The following DNAH14 variants were observed in gnomAD, a reference collection of about 807,000 sequenced individuals.
The protein encoded by DNAH14 is dynein axonemal heavy chain 14, also known as axonemal beta dynein heavy chain 14.
In DNAH14, 478 loss-of-function variants were observed where a neutral mutation model predicts 520.9. That is an observed-to-expected ratio of 0.92 (90% CI 0.85 to 0.99). The LOEUF is 0.99. Among genes scored for constraint, DNAH14 ranks in the 50% least tolerant of loss-of-function variants. The pLI is 0.00. For missense variants in DNAH14, 4,831 were observed against 5,234.5 expected (o/e 0.92, Z 2.38); for synonymous variants, 1,581 against 1,757.2 (o/e 0.90, Z 2.51).
In DNAH14 at chr1:225,334,884, A is replaced by ATGTGTGTGTGTG. The variant is rs1218533136; in HGVS notation, c.10080+1392_10080+1403dup. Among the ~76,000 whole-genome samples the ATGTGTGTGTGTG allele has an allele frequency of 2.8e-5, 4 of 143,238 alleles. No homozygotes were observed. In the East Asian group the frequency reaches 8.4e-4, roughly 30 times the overall value. 94.0% of individuals were successfully genotyped at this position (143,238 alleles called of 152,430 possible). A position where few individuals can be genotyped will look rare whatever the true frequency, so the allele number is the denominator to read the frequency against. On this transcript the variant is annotated intron_variant, in intron 66 of 85. Transcript: ENST00000682510. ...TCTCTGTCTCTCTCTCTACATATAT[A>ATGTGTGTGTGTG]TGTGTGTGTGTGTGTGTGTGTGTGT... is the stretch of plus-strand genomic sequence containing the variant.
At chr1:225,033,284 T>C (rs974029646) in intron 11 of DNAH14, among the ~76,000 whole-genome samples, 2 of 152,200 alleles carry the variant, frequency 1.3e-5, no homozygotes, top group African/African-American at 4.8e-5. Context: ...CCAGCTTCAA[T>C]CTTCTGCATA....
rs139079665 is a variant in DNAH14 at position 225,232,280 on chromosome 1, T to TAC, written c.6518+1148_6518+1149dup. ...ATATATAAACTGTGATATATATATA[T>TAC]ACACACACACACACACACACGTGTA... On this transcript the variant is annotated intron_variant, in intron 42 of 85. Transcript: ENST00000682510. The surrounding 1 kb of genome is among the most constrained non-coding windows in gnomAD (Gnocchi z 4.2). 0.052 allele frequency among the ~76,000 whole-genome samples: 7,724 copies of TAC among 149,548 alleles called. 482 individuals are homozygous for TAC. Among genetic ancestry groups the TAC allele is most frequent in the African/African-American group, 0.16 (6,428 of 40,756 alleles).
chr1:225,063,722 G>A (rs1260270510), intron 17 of DNAH14, among the ~76,000 whole-genome samples: 1 of 151,980 alleles, frequency 6.6e-6, no homozygotes, highest in East Asian at 1.9e-4. Flanking sequence ...AGAGACAAAA[G>A]TTATCTGAAA....
At chr1:225,192,252 G>T (rs1026383295) in intron 37 of DNAH14, among the ~76,000 whole-genome samples, 2 of 152,028 alleles carry the variant, frequency 1.3e-5, no homozygotes, top group Admixed American at 1.3e-4. Context: ...CAATTTTTCT[G>T]CCTGACATCT....
At chr1:225,357,798 T>C (rs1417671284) in intron 73 of DNAH14, 1 of 702,114 alleles carries the variant, frequency 1.4e-6, no homozygotes, top group Admixed American at 2.0e-5. Context: ...TCAGTTTTGC[T>C]TTAAATGATG....
At chr1:225,288,829 G>A (rs879654463) in intron 54 of DNAH14, among the ~76,000 whole-genome samples, 1 of 152,124 alleles carries the variant, frequency 6.6e-6, no homozygotes, top group Non-Finnish European at 1.5e-5. Context: ...TGACAAGATT[G>A]TGTATAAACT....
chr1:225,134,496 T>C (rs2078779202), intron 27 of DNAH14, among the ~76,000 whole-genome samples: 1 of 152,178 alleles, frequency 6.6e-6, no homozygotes, highest in Admixed American at 6.5e-5. Context: ...GGTTTTTGTC[T>C]TTAGTTCTCT....
At chr1:225,367,629 T>C (rs2095570019) in intron 76 of DNAH14, among the ~76,000 whole-genome samples, 176 bp from the exon 77 acceptor site, 1 of 152,214 alleles carries the variant, frequency 6.6e-6, no homozygotes, top group Non-Finnish European at 1.5e-5. Context: ...ACAATCCTTT[T>C]AGAGACGTTT....
intron 60 of DNAH14, among the ~76,000 whole-genome samples, chr1:225,310,111 T>C (rs2094331526): frequency 6.6e-6 from 1 of 151,746 alleles, no homozygotes. Context: ...GTATTTAATA[T>C]TTTAAGCCAA....
At chr1:225,022,320 C>T (rs2065772191) in intron 10 of DNAH14, among the ~76,000 whole-genome samples, 2 of 152,104 alleles carry the variant, frequency 1.3e-5, no homozygotes. Context: ...AGACAACTTA[C>T]AGAATGAGAG....
intron 55 of DNAH14, among the ~76,000 whole-genome samples, chr1:225,296,876 A>G (rs1159513069): frequency 6.6e-6 from 1 of 152,112 alleles, no homozygotes; most frequent in Non-Finnish European, 1.5e-5. Context: ...TCCCATTTAT[A>G]TGATGACATT....
rs1419315754 is a variant in DNAH14, at chr1:225,389,799, C to G, written c.13256C>G (p.Pro4419Arg). The change falls in exon 83 of 86, where the codon CCT becomes CGT. Residue 4419 changes from proline to arginine, a missense_variant. Coordinates refer to ENST00000682510, the MANE Select transcript of DNAH14 (RefSeq NM_001367479.1). ...TCAACTAGCCAAAAATGCAAACACC[C>G]TGAGGATTCAGAGAACAATTTCTTT... ...IPSTSQKCKH[P>R]EDSENNFFEG... The G allele has an allele frequency of 6.4e-7, 1 of 1,552,058 alleles. No homozygotes were observed. Among genetic ancestry groups the G allele is most frequent in the African/African-American group, 1.4e-5 (1 of 73,174 alleles).
rs183582934 is a variant in DNAH14 at position 225,209,516 on chromosome 1, G to T, written c.6439+2296G>T. ...CTCAGGCATGGTGTTTCTCAGCAAA[G>T]AAACAATTTATTGTGAATAGCTACA... On this transcript the variant is annotated intron_variant, in intron 41 of 85. Coordinates refer to ENST00000682510, the MANE Select transcript of DNAH14 (RefSeq NM_001367479.1). 1.1e-4 allele frequency among the ~76,000 whole-genome samples: 17 copies of T among 152,092 alleles called. No individual in the cohort carries two copies. In the East Asian group the frequency reaches 3.3e-3, roughly 29 times the overall value.
chr1:225,104,253 G>T (rs369622482), intron 23 of DNAH14, among the ~76,000 whole-genome samples: 2 of 152,174 alleles, frequency 1.3e-5, no homozygotes, highest in East Asian at 3.9e-4. Flanking sequence ...TCATGGTGGA[G>T]AAGCTTTTTG....
chr1:225,312,403 G>A (rs769068692), intron 60 of DNAH14, among the ~76,000 whole-genome samples: 1 of 152,118 alleles, frequency 6.6e-6, no homozygotes, highest in Non-Finnish European at 1.5e-5. Context: ...GAGACAATTT[G>A]ACTCCCTCTC....
chr1:225,188,324 T>A (rs1203956516), intron 37 of DNAH14, among the ~76,000 whole-genome samples: 1 of 151,916 alleles, frequency 6.6e-6, no homozygotes, highest in African/African-American at 2.4e-5. Flanking sequence ...TTTTATCATA[T>A]CATCATCACA....
chr1:225,277,586 T>C (rs907243771), intron 54 of DNAH14, 84 bp downstream of exon 54: 1 of 437,914 alleles, frequency 2.3e-6, no homozygotes, highest in Non-Finnish European at 4.8e-6. Flanking sequence ...ACAGAAGTTT[T>C]ATTTAGCCAC....
At chr1:225,316,559 C>T (rs1259779155) in intron 60 of DNAH14, among the ~76,000 whole-genome samples, 1 of 152,120 alleles carries the variant, frequency 6.6e-6, no homozygotes, top group African/African-American at 2.4e-5. Context: ...CAGAATGCAC[C>T]GTCCTTCATG....
intron 69 of DNAH14, among the ~76,000 whole-genome samples, chr1:225,341,465 T>C (rs1231614580): frequency 2.0e-5 from 3 of 151,964 alleles, no homozygotes; most frequent in Admixed American, 1.3e-4. Context: ...CTACTAAAAA[T>C]ACACCAGCCT....
Sources: allele counts gnomAD v4.1 joint callset (sites outside exome capture counted in the v4.1 genomes callset), GRCh38; gene constraint gnomAD v4.1.1; non-coding constraint Gnocchi (gnomAD v3.1); transcripts MANE v1.5; gene names NCBI Gene and HGNC (gene_info 2026-07-23, HGNC 2026-07-21).